The following GRID1 variants were observed in gnomAD, a reference collection of about 807,000 sequenced individuals.
GRID1 encodes the protein glutamate receptor ionotropic, delta-1.
A neutral mutation model predicts 98.0 loss-of-function variants in GRID1; 28 were observed. The observed-to-expected ratio is 0.29, with a 90% CI of 0.21 to 0.39. GRID1 has a LOEUF of 0.39. Ranked by LOEUF, GRID1 falls within the 10% of genes least tolerant of loss-of-function variation. The pLI is 1.00. For missense variants in GRID1, 1,111 were observed against 1,340.5 expected (o/e 0.83, Z 2.67); for synonymous variants, 553 against 538.5 (o/e 1.03, Z -0.37).
chr10:86,069,429 A>ACC (rs999846316), intron 4 of GRID1, among the ~76,000 whole-genome samples: 21 of 152,140 alleles, frequency 1.4e-4, no homozygotes, highest in African/African-American at 4.8e-4. Context: ...CGGGCGGATC[A>ACC]TGAGGTCAGG....
chr10:86,076,360 G>C (rs914935290), intron 4 of GRID1, among the ~76,000 whole-genome samples: 1 of 152,184 alleles, frequency 6.6e-6, no homozygotes, highest in Non-Finnish European at 1.5e-5. Flanking sequence ...TGTGGAAGTC[G>C]GTCATGAATC....
intron 3 of GRID1, among the ~76,000 whole-genome samples, chr10:86,169,741 C>G (rs956647695): frequency 6.6e-6 from 1 of 152,214 alleles, no homozygotes; most frequent in Non-Finnish European, 1.5e-5. Context: ...ACTCAGGAGT[C>G]CCCAGAAGAT....
chr10:85,754,741 G>A (rs1396980581), intron 8 of GRID1, among the ~76,000 whole-genome samples: 2 of 152,090 alleles, frequency 1.3e-5, no homozygotes, highest in African/African-American at 4.8e-5. Flanking sequence ...AATAGAGGCT[G>A]GGTTTGGGGG....
chr10:86,253,858 C>T (rs1020513292), intron 2 of GRID1, among the ~76,000 whole-genome samples: 2 of 152,174 alleles, frequency 1.3e-5, no homozygotes, highest in African/African-American at 2.4e-5. Flanking sequence ...ACACTTGACA[C>T]CGACCCTCAC....
intron 12 of GRID1, among the ~76,000 whole-genome samples, chr10:85,659,120 T>C (rs1223800210): frequency 6.6e-6 from 1 of 152,220 alleles, no homozygotes; most frequent in East Asian, 1.9e-4. Flanking sequence ...AGAAAGTATG[T>C]CACACATATT....
At chr10:85,958,754 T>C (rs1842226449) in intron 4 of GRID1, among the ~76,000 whole-genome samples, 1 of 151,746 alleles carries the variant, frequency 6.6e-6, no homozygotes, top group African/African-American at 2.4e-5. Context: ...GGTCGGAAGT[T>C]CAAGAGCAGC....
chr10:85,623,030 T>C (rs1237080598), intron 13 of GRID1, among the ~76,000 whole-genome samples: 3 of 152,156 alleles, frequency 2.0e-5, no homozygotes, highest in Non-Finnish European at 4.4e-5. Flanking sequence ...GCTCCAATAG[T>C]GGCAGGACAG....
At chr10:85,839,681 A>G (rs1564606188) in intron 8 of GRID1, among the ~76,000 whole-genome samples, 1 of 152,324 alleles carries the variant, frequency 6.6e-6, no homozygotes, top group East Asian at 1.9e-4. Flanking sequence ...AAAGATCTCA[A>G]GTTAACAACC....
At chr10:86,262,927 T>C (rs1367260678) in intron 2 of GRID1, among the ~76,000 whole-genome samples, 8 of 152,006 alleles carry the variant, frequency 5.3e-5, no homozygotes, top group African/African-American at 1.9e-4. Flanking sequence ...CAGGCCGGCA[T>C]CGCCCGCCCT....
chr10:85,806,027 G>A (rs1301230391), intron 8 of GRID1, among the ~76,000 whole-genome samples: 1 of 150,542 alleles, frequency 6.6e-6, no homozygotes, highest in African/African-American at 2.4e-5. Flanking sequence ...GAAAAGACAA[G>A]CAAGCTATGG....
intron 8 of GRID1, among the ~76,000 whole-genome samples, chr10:85,764,126 T>C (rs1320472435): frequency 2.0e-5 from 3 of 152,004 alleles, no homozygotes; most frequent in Admixed American, 2.0e-4. Context: ...AAGTGGTGAG[T>C]CTTTCCATGA....
At chr10:85,640,574 G>A (rs116324469) in intron 13 of GRID1, among the ~76,000 whole-genome samples, 1 of 152,162 alleles carries the variant, frequency 6.6e-6, no homozygotes, top group African/African-American at 2.4e-5. Flanking sequence ...TGCCACATAT[G>A]AGGCCAACTT....
At chr10:86,009,049 C>A (rs1007942829) in intron 4 of GRID1, among the ~76,000 whole-genome samples, 5 of 152,142 alleles carry the variant, frequency 3.3e-5, no homozygotes, top group Admixed American at 3.3e-4. Flanking sequence ...ATTCAAAATG[C>A]TAATGAGCTC....
intron 4 of GRID1, among the ~76,000 whole-genome samples, chr10:85,959,660 T>C (rs937109685): frequency 3.3e-5 from 5 of 152,172 alleles, no homozygotes; most frequent in African/African-American, 9.7e-5. Context: ...CTTCTTTTGC[T>C]CAGCATAATG....
At position 85,724,632 on chromosome 10, in the gene GRID1, C is replaced by T; in HGVS notation, c.1578G>A (p.Arg526=). ...AISAITITPE[R]ESVVDFSKRY... ...GCTTGCTGAAGTCCACAACGCTCTC[C>T]CTCTCTGGGGTGATGGTGATGGCAG... Residue 526 remains arginine (R), a synonymous_variant, in exon 11 of 16, where the codon AGG becomes AGA. Transcript: ENST00000327946. 1 of 1,613,212 alleles carries T rather than the reference C, an allele frequency of 6.2e-7. No homozygotes were observed. Among genetic ancestry groups the T allele is most frequent in the Non-Finnish European group, 8.5e-7 (1 of 1,179,880 alleles).
At position 86,114,783 on chromosome 10, in the gene GRID1, A is replaced by G. The variant is rs74644016; in HGVS notation, c.726+24036T>C. Among the ~76,000 whole-genome samples, 838 of 152,284 alleles carry G rather than the reference A, an allele frequency of 5.5e-3. 21 individuals are homozygous for G. In the East Asian group the frequency reaches 0.077, roughly 14 times the overall value. On this transcript the variant is annotated intron_variant, in intron 4 of 15. Coordinates refer to ENST00000327946, the MANE Select transcript of GRID1 (RefSeq NM_017551.3). ...TTCGGAGGGAAACTGGTAGAACCAGAGCATTGGCAGGCTCCCACCTCCCAG... is the reference window on the plus strand; with the variant it reads ...TTCGGAGGGAAACTGGTAGAACCAGGGCATTGGCAGGCTCCCACCTCCCAG...
At chr10:86,179,033 C>T (rs1232768334) in intron 3 of GRID1, among the ~76,000 whole-genome samples, 1 of 152,078 alleles carries the variant, frequency 6.6e-6, no homozygotes, top group Non-Finnish European at 1.5e-5. Flanking sequence ...CTAGCCTGAG[C>T]CAAGGATGGG....
At chr10:85,832,370 T>G (rs1842874270) in intron 8 of GRID1, among the ~76,000 whole-genome samples, 1 of 152,026 alleles carries the variant, frequency 6.6e-6, no homozygotes, top group African/African-American at 2.4e-5. Context: ...GAAAAGGACA[T>G]TGCCACATAA....
chr10:86,190,683 C>T (rs897196852), intron 3 of GRID1, among the ~76,000 whole-genome samples: 5 of 152,250 alleles, frequency 3.3e-5, no homozygotes, highest in African/African-American at 1.2e-4. Context: ...CTTGAGCTGC[C>T]GAGGCCCTCC....
Sources: gnomAD v4.1 joint callset for allele counts (sites outside exome capture counted in the v4.1 genomes callset) on GRCh38, gnomAD v4.1.1 for gene constraint, MANE v1.5 for transcripts, NCBI Gene and HGNC (gene_info 2026-07-23, HGNC 2026-07-21) for gene names.